Variants in ESR1 observed in about 807,000 individuals in gnomAD.
ESR1 encodes the protein estrogen receptor.
Under a neutral mutation model 52.7 loss-of-function variants are expected in ESR1, and 12 were observed. The ratio of observed to expected loss-of-function variants is 0.23; its 90% CI spans 0.15 to 0.37. ESR1 has a LOEUF of 0.37. Ranked by LOEUF, ESR1 falls within the 10% of genes least tolerant of loss-of-function variation. The pLI is 1.00. For synonymous variants in ESR1, 305 were observed against 316.8 expected (o/e 0.96, Z 0.39); for missense variants, 584 against 779.7 (o/e 0.75, Z 2.99).
chr6:151,852,639 G>GTTTTTT (rs35050297), intron 2 of ESR1, among the ~76,000 whole-genome samples: 2 of 127,900 alleles, frequency 1.6e-5, no homozygotes, highest in African/African-American at 5.9e-5. Context: ...CCAAGCAGGT[G>GTTTTTT]TTTTTTTTTT....
At chr6:151,864,741 T>A (rs1789540197) in intron 2 of ESR1, among the ~76,000 whole-genome samples, 1 of 152,098 alleles carries the variant, frequency 6.6e-6, no homozygotes, top group South Asian at 2.1e-4. Context: ...ATATACACCA[T>A]GGAATACTAT....
Position 151,982,793 on chromosome 6 carries a change from A to G in ESR1, c.1097-28863A>G, listed in dbSNP as rs550413993. On this transcript the variant is annotated intron_variant, in intron 4 of 7. Coordinates refer to ENST00000206249, the MANE Select transcript of ESR1 (RefSeq NM_000125.4). ...TAGCATTTCAACATGTAATCAATAG[A>G]ATATATTATTAGTCAACTATTTTGC... 3.9e-5 allele frequency among the ~76,000 whole-genome samples: 6 copies of G among 152,218 alleles called. 1 individual carries two copies. The South Asian group carries it at 1.0e-3, about 26-fold the overall frequency.
intron 6 of ESR1, among the ~76,000 whole-genome samples, chr6:152,065,190 C>T (rs2047867610): frequency 6.6e-6 from 1 of 152,184 alleles, no homozygotes; most frequent in Non-Finnish European, 1.5e-5. Flanking sequence ...GGCTGTTATC[C>T]TGAGACTATT....
intron 1 of ESR1, among the ~76,000 whole-genome samples, chr6:151,821,562 T>C (rs1780555732): frequency 6.6e-6 from 1 of 152,242 alleles, no homozygotes; most frequent in Non-Finnish European, 1.5e-5. Flanking sequence ...AGGAGTGACC[T>C]TGCCAGACTT....
At chr6:151,861,295 C>A (rs180986857) in intron 2 of ESR1, among the ~76,000 whole-genome samples, 24 of 152,110 alleles carry the variant, frequency 1.6e-4, no homozygotes, top group Non-Finnish European at 2.6e-4. Context: ...TTCATAATAA[C>A]CTTTATAATT....
In ESR1 at chr6:152,102,998, T is replaced by C. The variant is rs1394524563; in HGVS notation, c.*4032T>C. 1 of 221,822 alleles carries C rather than the reference T, an allele frequency of 4.5e-6. No homozygotes were observed. The highest frequency in any genetic ancestry group is 2.2e-5 in the African/African-American group (1 of 44,634). The allele number at this position is 221,822 out of a possible 1,614,324, so 13.7% of individuals were successfully genotyped here. A position where few individuals can be genotyped will look rare whatever the true frequency, so the allele number is the denominator to read the frequency against. ...CCAGTTTCTGTTCTCTCACAGGTGA[T>C]AAACAATGCTTTTTGTGCACTACAT... On this transcript the variant is annotated 3_prime_UTR_variant, in exon 8 of 8. Transcript: ENST00000206249.
At chr6:151,801,180 G>T (rs1777207737), upstream of ESR1, among the ~76,000 whole-genome samples, 1 of 151,820 alleles carries the variant, frequency 6.6e-6, no homozygotes, top group Admixed American at 6.6e-5. Flanking sequence ...CTCTAAGCTG[G>T]CAATGAAATT....
chr6:151,826,180 G>GAGCATC (rs1781468373), intron 1 of ESR1, among the ~76,000 whole-genome samples: 1 of 152,168 alleles, frequency 6.6e-6, no homozygotes, highest in Non-Finnish European at 1.5e-5. Flanking sequence ...ACTACAGCAG[G>GAGCATC]AGCATCAGGA....
rs115255644 is a variant in ESR1 at position 151,776,247 on chromosome 6, C to T, written c.-70-31596C>T. Among the ~76,000 whole-genome samples the T allele has an allele frequency of 2.0e-3, 312 of 152,216 alleles. 1 individual carries two copies. The highest frequency in any genetic ancestry group is 7.2e-3 in the African/African-American group (301 of 41,520). ...TAGTGCCTGGGTGGAAAGAAGCTGG[C>T]TCGAGTCCGAAACCACAGGCTGAAA... is the stretch of plus-strand genomic sequence containing the variant. On this transcript the variant is annotated intron_variant, in intron 2 of 2. Transcript: ENST00000404742.
chr6:151,746,403 C>T (rs996046175), intron 2 of ESR1, among the ~76,000 whole-genome samples: 1 of 152,150 alleles, frequency 6.6e-6, no homozygotes, highest in Non-Finnish European at 1.5e-5. Flanking sequence ...TGATGATGGG[C>T]TTCAGTGATT....
chr6:151,827,502 A>T (rs1433839290), intron 1 of ESR1, among the ~76,000 whole-genome samples: 3 of 152,162 alleles, frequency 2.0e-5, no homozygotes, highest in African/African-American at 7.2e-5. Context: ...ACCTGATCTG[A>T]CATTTTATTG....
chr6:151,807,688 C>T lies in ESR1; in HGVS notation c.-225C>T. The T allele has an allele frequency of 3.3e-6, 2 of 609,420 alleles. 1 individual carries two copies. The highest frequency in any genetic ancestry group is 3.8e-5 in the South Asian group (2 of 52,460). The allele number at this position is 609,420 out of a possible 1,614,324, so 37.8% of individuals were successfully genotyped here. On this transcript the variant is annotated 5_prime_UTR_variant, in exon 1 of 8. Transcript: ENST00000206249. The stretch of plus-strand genomic sequence containing the variant: ...GGAGGCCCGGGAGCCCAGGAGCTGG[C>T]GGAGGGCGTTCGTCCTGGGACTGCA...
intron 1 of ESR1, chr6:151,690,796 C>A (rs1315507696): frequency 6.6e-6 from 1 of 152,144 alleles, no homozygotes; most frequent in Non-Finnish European, 1.5e-5. Flanking sequence ...CTTTCTGCTC[C>A]AAGGATATTT....
At chr6:151,806,364 CTT>C (rs1777835547), upstream of ESR1, among the ~76,000 whole-genome samples, 3 of 151,886 alleles carry the variant, frequency 2.0e-5, no homozygotes, top group Admixed American at 2.0e-4. Flanking sequence ...ACCATGAACA[CTT>C]CGTCAGATAC....
In ESR1 at chr6:151,989,454, TAAAA is replaced by T. The variant is rs2040814192; in HGVS notation, c.1097-22199_1097-22196del. 2.6e-5 allele frequency among the ~76,000 whole-genome samples: 4 copies of T among 151,974 alleles called. 1 individual carries two copies. Among genetic ancestry groups the T allele is most frequent in the African/African-American group, 9.7e-5 (4 of 41,288 alleles). The stretch of plus-strand genomic sequence containing the variant: ...TGGCATTTATAGTTACCTCTGAACC[TAAAA>T]AATTAACTTCAAAAGTATTTAAAAA... On this transcript the variant is annotated intron_variant, in intron 4 of 7. Coordinates refer to ENST00000206249, the MANE Select transcript of ESR1 (RefSeq NM_000125.4).
intron 2 of ESR1, among the ~76,000 whole-genome samples, chr6:151,749,004 G>C (rs2128072955): frequency 6.6e-6 from 1 of 152,176 alleles, no homozygotes; most frequent in African/African-American, 2.4e-5. Flanking sequence ...GGATGAATAA[G>C]AAACATACAT....
intron 2 of ESR1, among the ~76,000 whole-genome samples, chr6:151,717,794 TGGATA>T (rs1193243430): frequency 4.6e-5 from 7 of 152,222 alleles, no homozygotes; most frequent in Non-Finnish European, 7.3e-5. Context: ...TTGATTGAAT[TGGATA>T]ATTGAATTAA....
chr6:151,716,660 G>A (rs535221734), intron 2 of ESR1, among the ~76,000 whole-genome samples: 1 of 152,268 alleles, frequency 6.6e-6, no homozygotes, highest in Non-Finnish European at 1.5e-5. Flanking sequence ...TCAAGCCTCA[G>A]TAATGGCGGA....
chr6:151,830,020 A>G lies in ESR1; in HGVS notation c.453-12577A>G, dbSNP rs549300165. Among the ~76,000 whole-genome samples the G allele has an allele frequency of 9.5e-4, 144 of 152,346 alleles. No individual in the cohort carries two copies. The Middle Eastern group carries it at 0.031, about 32-fold the overall frequency. Reference sequence around the variant, plus strand: ...TGGACATGTGTGTGTGTGGAATTTTATGTGATGACATATTGGTCCTATCTT... The same window carrying G: ...TGGACATGTGTGTGTGTGGAATTTTGTGTGATGACATATTGGTCCTATCTT... On this transcript the variant is annotated intron_variant, in intron 1 of 7. Transcript: ENST00000206249.
Sources: allele counts gnomAD v4.1 joint callset (sites outside exome capture counted in the v4.1 genomes callset), GRCh38; gene constraint gnomAD v4.1.1; transcripts MANE v1.5; gene names NCBI Gene and HGNC (gene_info 2026-07-23, HGNC 2026-07-21).